The following PLXNA4 variants were observed in gnomAD, a reference collection of about 807,000 sequenced individuals.
PLXNA4 encodes the protein plexin A4, also known as plexin-A4.
In PLXNA4, 44 loss-of-function variants were observed where a neutral mutation model predicts 191.8. The observed-to-expected ratio is 0.23, with a 90% CI of 0.18 to 0.29. PLXNA4 has a LOEUF of 0.29. Ranked by LOEUF, PLXNA4 falls within the 10% of genes least tolerant of loss-of-function variation. PLXNA4 has a pLI of 1.00. For synonymous variants in PLXNA4, 1,082 were observed against 1,009.5 expected, an observed-to-expected ratio of 1.07 and a Z score of -1.36; for missense variants, 1,800 against 2,488.8, an observed-to-expected ratio of 0.72 and a Z score of 5.89.
At chr7:132,383,877 C>A in intron 3 of PLXNA4, 1 of 985,412 alleles carries the variant, frequency 1.0e-6, no homozygotes, top group Non-Finnish European at 1.2e-6. Flanking sequence ...AACAGCCATG[C>A]TTCAATGCAC....
chr7:132,269,669 T>C (rs1421530212), intron 4 of PLXNA4, among the ~76,000 whole-genome samples: 2 of 152,188 alleles, frequency 1.3e-5, no homozygotes, highest in African/African-American at 4.8e-5. Flanking sequence ...AAGATCTTTT[T>C]TTTTTTCTGC....
At chr7:132,382,645 C>T (rs1350695552) in intron 3 of PLXNA4, among the ~76,000 whole-genome samples, 1 of 152,166 alleles carries the variant, frequency 6.6e-6, no homozygotes, top group African/African-American at 2.4e-5. Context: ...AGAGTACTGG[C>T]ACTGGCATGG....
rs372088170 is a variant in PLXNA4, at chr7:132,151,127, C to G, written c.4661-2481G>C. On this transcript the variant is annotated intron_variant, in intron 25 of 31. Coordinates refer to ENST00000321063, the MANE Select transcript of PLXNA4 (RefSeq NM_020911.2). ...GCCTATTATTTTGTTATGTCCTAGACAGAAAAAAATTGCTATGTGCTTTTT... is the reference window on the plus strand; with the variant it reads ...GCCTATTATTTTGTTATGTCCTAGAGAGAAAAAAATTGCTATGTGCTTTTT... Among the ~76,000 whole-genome samples, 78 of 151,182 alleles carry G rather than the reference C, an allele frequency of 5.2e-4. 2 individuals carry two copies. In the South Asian group the frequency reaches 0.016, roughly 31 times the overall value.
chr7:132,388,237 T>C (rs890305857), intron 3 of PLXNA4, among the ~76,000 whole-genome samples: 2 of 152,108 alleles, frequency 1.3e-5, no homozygotes, highest in African/African-American at 4.8e-5. Flanking sequence ...CCTATTCCTG[T>C]CTCACCTGCA....
chr7:132,477,296 T>C (rs1394121478), intron 3 of PLXNA4, among the ~76,000 whole-genome samples: 1 of 152,192 alleles, frequency 6.6e-6, no homozygotes, highest in Non-Finnish European at 1.5e-5. Context: ...GGGTTATATT[T>C]TCCACACCAT....
chr7:132,258,154 A>G (rs78139336), intron 4 of PLXNA4, among the ~76,000 whole-genome samples: 2,062 of 152,338 alleles, frequency 0.014, 52 homozygotes, highest in African/African-American at 0.047. Flanking sequence ...AAGCCTGGAG[A>G]GGGTCTCCCC....
chr7:132,500,890 C>A (rs766378008), intron 2 of PLXNA4, among the ~76,000 whole-genome samples: 2 of 152,192 alleles, frequency 1.3e-5, no homozygotes, highest in Non-Finnish European at 2.9e-5. Flanking sequence ...CCAGTGATAT[C>A]TCACAAGCTG....
intron 2 of PLXNA4, among the ~76,000 whole-genome samples, chr7:132,601,329 T>C (rs1802816222): frequency 6.6e-6 from 1 of 151,450 alleles, no homozygotes; most frequent in Non-Finnish European, 1.5e-5. Context: ...GTAGAGCCCG[T>C]GAGAGATTCC....
chr7:132,526,250 C>G (rs767061809), intron 1 of PLXNA4, among the ~76,000 whole-genome samples: 4 of 152,178 alleles, frequency 2.6e-5, no homozygotes, highest in Non-Finnish European at 5.9e-5. Flanking sequence ...ACCAAAGGCT[C>G]ATGCATGGAA....
chr7:132,398,708 G>C (rs1313303473), intron 3 of PLXNA4, among the ~76,000 whole-genome samples: 1 of 152,184 alleles, frequency 6.6e-6, no homozygotes, highest in Admixed American at 6.5e-5. Flanking sequence ...ATAGGCTCAG[G>C]GCTCCAGGAT....
intron 1 of PLXNA4, among the ~76,000 whole-genome samples, chr7:132,535,287 G>T (rs1286518760): frequency 6.6e-6 from 1 of 152,350 alleles, no homozygotes; most frequent in South Asian, 2.1e-4. Flanking sequence ...ATGGATGGGG[G>T]CACATGCCAA....
chr7:132,263,923 T>C (rs1251185264), intron 4 of PLXNA4, among the ~76,000 whole-genome samples: 3 of 152,206 alleles, frequency 2.0e-5, no homozygotes, highest in Non-Finnish European at 4.4e-5. Flanking sequence ...TTAGCAAAGA[T>C]AATTTAGAGT....
At chr7:132,248,226 A>G (rs73157219) in intron 4 of PLXNA4, among the ~76,000 whole-genome samples, 39 of 152,278 alleles carry the variant, frequency 2.6e-4, no homozygotes, top group Non-Finnish European at 5.9e-5. Flanking sequence ...ATGAACCCAC[A>G]TGGAGAGAGA....
chr7:132,450,254 T>A (rs1796070954), intron 3 of PLXNA4, among the ~76,000 whole-genome samples: 1 of 152,130 alleles, frequency 6.6e-6, no homozygotes, highest in African/African-American at 2.4e-5. Flanking sequence ...TGTTTGTGGA[T>A]CTCAGAAGCA....
At chr7:132,378,847 C>CTTT (rs11375919) in intron 3 of PLXNA4, among the ~76,000 whole-genome samples, 8 of 119,034 alleles carry the variant, frequency 6.7e-5, no homozygotes, top group African/African-American at 9.9e-5. Flanking sequence ...GGCACTGGAT[C>CTTT]TTTTTTTTTT....
intron 2 of PLXNA4, among the ~76,000 whole-genome samples, chr7:132,631,797 G>A (rs1399698086): frequency 2.0e-5 from 3 of 152,154 alleles, no homozygotes; most frequent in Non-Finnish European, 4.4e-5. Flanking sequence ...GAAGCTACAT[G>A]CTTGGAAGTA....
rs558854547 is a variant in PLXNA4, at chr7:132,146,409, G to T, written c.5055+101C>A. ...GGGGTGGGTAATAGAGTGGGCACCA[G>T]CATGAATGCTGGGTACTGGCTACTC... is the stretch of plus-strand genomic sequence containing the variant. On this transcript the variant is annotated intron_variant, in intron 28 of 31. Transcript: ENST00000321063. The T allele has an allele frequency of 2.5e-6, 4 of 1,592,970 alleles. No homozygotes were observed. The Admixed American group carries it at 6.7e-5, about 27-fold the overall frequency.
chr7:132,620,878 G>A (rs1052809486), intron 2 of PLXNA4, among the ~76,000 whole-genome samples: 2 of 152,170 alleles, frequency 1.3e-5, no homozygotes, highest in South Asian at 4.1e-4. Flanking sequence ...CAGGTCTGGT[G>A]GCTGAAAGTC....
At chr7:132,178,881 A>C (rs1584801859) in intron 20 of PLXNA4, among the ~76,000 whole-genome samples, 2 of 132,344 alleles carry the variant, frequency 1.5e-5, no homozygotes, top group South Asian at 2.7e-4. Context: ...CACAGCCTCC[A>C]GCACTGCCCA....
Sources: gnomAD v4.1 joint callset for allele counts (sites outside exome capture counted in the v4.1 genomes callset) on GRCh38, gnomAD v4.1.1 for gene constraint, MANE v1.5 for transcripts, NCBI Gene and HGNC (gene_info 2026-07-23, HGNC 2026-07-21) for gene names.